The following TBC1D22A variants were observed in gnomAD, a reference collection of about 807,000 sequenced individuals.
TBC1D22A encodes the protein putative GTPase activator.
Under a neutral mutation model 60.2 loss-of-function variants are expected in TBC1D22A, and 38 were observed. The observed-to-expected ratio is 0.63, with a 90% confidence interval of 0.49 to 0.83. The LOEUF (loss-of-function observed/expected upper bound fraction) is 0.83, where lower values mean the gene tolerates loss of function less well. TBC1D22A is among the 40% of genes least tolerant of loss of function. The pLI is 0.00. For missense variants in TBC1D22A, 628 were observed against 701.0 expected (o/e 0.90, Z 1.18); for synonymous variants, 302 against 281.7 (o/e 1.07, Z -0.72).
chr22:47,087,606 T>G (rs1448066441), intron 11 of TBC1D22A, among the ~76,000 whole-genome samples: 2 of 152,236 alleles, frequency 1.3e-5, no homozygotes, highest in Admixed American at 1.3e-4. Context: ...TGTTTGAAAC[T>G]ATGACTTATA....
intron 5 of TBC1D22A, among the ~76,000 whole-genome samples, chr22:46,889,471 T>C (rs751952754): frequency 5.3e-5 from 8 of 152,188 alleles, no homozygotes; most frequent in Non-Finnish European, 8.8e-5. Context: ...CTTAGAAAAC[T>C]AAGCATATCC....
intron 11 of TBC1D22A, among the ~76,000 whole-genome samples, chr22:47,046,080 G>A (rs191568345): frequency 2.6e-5 from 4 of 152,282 alleles, no homozygotes; most frequent in African/African-American, 9.6e-5. Context: ...ATATGGACTC[G>A]CTGATGCTCC....
chr22:46,861,195 T>G, intron 4 of TBC1D22A, among the ~76,000 whole-genome samples: 1 of 152,138 alleles, frequency 6.6e-6, no homozygotes, highest in East Asian at 1.9e-4. Context: ...TGGGGTCAAG[T>G]GATCCACCGT....
At chr22:47,104,870 T>C (rs1366732610) in intron 11 of TBC1D22A, among the ~76,000 whole-genome samples, 1 of 152,176 alleles carries the variant, frequency 6.6e-6, no homozygotes, top group African/African-American at 2.4e-5. Flanking sequence ...AACTAGAACA[T>C]GTATAAATTC....
At chr22:46,879,082 A>G (rs73891035) in intron 5 of TBC1D22A, among the ~76,000 whole-genome samples, 11,250 of 151,942 alleles carry the variant, frequency 0.074, 967 homozygotes, top group African/African-American at 0.21. Context: ...ATTTGTTTCA[A>G]ATATGCTGAA....
intron 8 of TBC1D22A, among the ~76,000 whole-genome samples, chr22:46,942,148 T>C (rs2072211052): frequency 6.6e-6 from 1 of 151,824 alleles, no homozygotes; most frequent in African/African-American, 2.4e-5. Context: ...AGCATACATA[T>C]ATATACACAC....
At chr22:47,151,091 G>A (rs889638869) in intron 12 of TBC1D22A, among the ~76,000 whole-genome samples, 4 of 152,124 alleles carry the variant, frequency 2.6e-5, no homozygotes, top group East Asian at 1.9e-4. Context: ...TGTGAGCTGC[G>A]TGGGGAGCAA....
At chr22:47,065,569 C>T (rs2063722133) in intron 11 of TBC1D22A, among the ~76,000 whole-genome samples, 1 of 45,190 alleles carries the variant, frequency 2.2e-5, no homozygotes, top group South Asian at 8.8e-4. Context: ...AGTTAAGAAA[C>T]AAGTATTAGT....
chr22:46,913,293 G>T, intron 8 of TBC1D22A: 1 of 1,349,090 alleles, frequency 7.4e-7, no homozygotes, highest in Admixed American at 2.0e-5. Context: ...CAAGCCTTCT[G>T]GACTTGGTGC....
At chr22:47,103,039 C>G (rs73888871) in intron 11 of TBC1D22A, among the ~76,000 whole-genome samples, 4 of 152,284 alleles carry the variant, frequency 2.6e-5, no homozygotes, top group South Asian at 2.1e-4. Context: ...TTCTTCCCCC[C>G]TCTCCCAAAC....
intron 1 of TBC1D22A, among the ~76,000 whole-genome samples, chr22:46,769,836 G>T (rs2083427031): frequency 6.6e-6 from 1 of 152,166 alleles, no homozygotes; most frequent in South Asian, 2.1e-4. Context: ...GCCGAGGCCA[G>T]ATGCTGTGGG....
intron 4 of TBC1D22A, among the ~76,000 whole-genome samples, chr22:46,810,227 G>A (rs142154777): frequency 4.0e-4 from 61 of 152,272 alleles, no homozygotes; most frequent in Non-Finnish European, 6.8e-4. Flanking sequence ...TGCATTATAC[G>A]AAGTTAAAAC....
At chr22:46,766,778 C>T (rs57478990) in intron 1 of TBC1D22A, among the ~76,000 whole-genome samples, 3,384 of 152,176 alleles carry the variant, frequency 0.022, 116 homozygotes, top group African/African-American at 0.077. Context: ...CCTCATGATC[C>T]GCCCGCCTTG....
chr22:46,913,092 A>G (rs1421010391), intron 8 of TBC1D22A, among the ~76,000 whole-genome samples: 1 of 152,186 alleles, frequency 6.6e-6, no homozygotes, highest in Non-Finnish European at 1.5e-5. Flanking sequence ...TAAGTACTGC[A>G]TATTTTTCCT....
chr22:46,980,186 T>C (rs2074458703), intron 9 of TBC1D22A, among the ~76,000 whole-genome samples: 1 of 152,190 alleles, frequency 6.6e-6, no homozygotes, highest in South Asian at 2.1e-4. Flanking sequence ...CAGATTTATT[T>C]ATATTTATTT....
intron 12 of TBC1D22A, among the ~76,000 whole-genome samples, chr22:47,127,645 G>A (rs559440995): frequency 5.3e-5 from 8 of 152,138 alleles, no homozygotes; most frequent in South Asian, 4.2e-4. Flanking sequence ...CGGGGAAGGC[G>A]GCCCCGTTCC....
chr22:47,160,415 G>A (rs1015900884), intron 12 of TBC1D22A, among the ~76,000 whole-genome samples: 6 of 152,194 alleles, frequency 3.9e-5, no homozygotes, highest in Admixed American at 1.3e-4. Flanking sequence ...AGAAGGGAAC[G>A]TCCTGGTCCT....
At chr22:47,119,298 G>T (rs1253765710) in intron 12 of TBC1D22A, among the ~76,000 whole-genome samples, 2 of 152,122 alleles carry the variant, frequency 1.3e-5, no homozygotes, top group East Asian at 3.9e-4. Flanking sequence ...TGTGTGACCT[G>T]CCCCGCTGGA....
chr22:47,077,474 T>C (rs1687232408), intron 11 of TBC1D22A, among the ~76,000 whole-genome samples: 1 of 152,224 alleles, frequency 6.6e-6, no homozygotes, highest in Non-Finnish European at 1.5e-5. Flanking sequence ...TAGCAAGCCC[T>C]CCCGCCCTAT....
Sources: allele counts gnomAD v4.1 joint callset (sites outside exome capture counted in the v4.1 genomes callset), GRCh38; gene constraint gnomAD v4.1.1; transcripts MANE v1.5; gene names NCBI Gene and HGNC (gene_info 2026-07-23, HGNC 2026-07-21).